Variants in CLIP4 observed in about 807,000 individuals in gnomAD.
CLIP4 encodes CAP-Gly domain-containing linker protein 4.
CLIP4 carries 47 observed loss-of-function variants against 73.1 expected under a neutral mutation model. That is an observed-to-expected ratio of 0.64 (90% CI 0.51 to 0.82). The LOEUF is 0.82. Among genes scored for constraint, CLIP4 ranks in the 40% least tolerant of loss-of-function variants. CLIP4 has a pLI of 0.00. For synonymous variants in CLIP4, 306 were observed against 295.4 expected (o/e 1.04, Z -0.37); for missense variants, 874 against 852.9 (o/e 1.02, Z -0.31).
intron 2 of CLIP4, chr2:29,130,749 T>C: frequency 7.9e-7 from 1 of 1,262,238 alleles, no homozygotes; most frequent in Non-Finnish European, 1.0e-6. Flanking sequence ...CATCTTTTAG[T>C]TATGCTGACT....
intron 14 of CLIP4, among the ~76,000 whole-genome samples, chr2:29,168,690 T>C (rs1380140058): frequency 6.6e-6 from 1 of 151,254 alleles, no homozygotes; most frequent in Non-Finnish European, 1.5e-5. Flanking sequence ...GCCCGGCTAA[T>C]TTTTTGTATT....
intron 2 of CLIP4, among the ~76,000 whole-genome samples, chr2:29,130,205 G>T (rs1664877463): frequency 6.6e-6 from 1 of 152,158 alleles, no homozygotes; most frequent in Non-Finnish European, 1.5e-5. Flanking sequence ...TGGCCTTGGG[G>T]CTTCACAGGG....
chr2:29,153,974 T>G (rs921345192), intron 9 of CLIP4, among the ~76,000 whole-genome samples: 1 of 152,242 alleles, frequency 6.6e-6, no homozygotes, highest in African/African-American at 2.4e-5. Flanking sequence ...TGAGGTTTTA[T>G]CTGATGTTTT....
intron 13 of CLIP4, among the ~76,000 whole-genome samples, chr2:29,164,702 A>G (rs1290009338): frequency 6.6e-6 from 1 of 152,154 alleles, no homozygotes; most frequent in Non-Finnish European, 1.5e-5. Context: ...TACGATCGCA[A>G]TCTGGGAGTC....
chr2:29,120,544 T>A (rs1281274158), intron 1 of CLIP4, among the ~76,000 whole-genome samples: 1 of 152,200 alleles, frequency 6.6e-6, no homozygotes, highest in Non-Finnish European at 1.5e-5. Flanking sequence ...TCATTTAGTT[T>A]TATAATGTTT....
chr2:29,161,085 C>T (rs766239059), intron 12 of CLIP4, among the ~76,000 whole-genome samples: 1 of 152,156 alleles, frequency 6.6e-6, no homozygotes, highest in East Asian at 1.9e-4. Flanking sequence ...AGCGGTTCTC[C>T]TGCCTCAGCC....
intron 2 of CLIP4, among the ~76,000 whole-genome samples, chr2:29,122,604 G>T (rs1169539939): frequency 2.6e-5 from 4 of 151,988 alleles, no homozygotes; most frequent in African/African-American, 9.7e-5. Flanking sequence ...TGAATGAAAG[G>T]TAATAATGGA....
intron 1 of CLIP4, among the ~76,000 whole-genome samples, chr2:29,117,382 C>CA (rs1663934791): frequency 6.7e-6 from 1 of 148,458 alleles, no homozygotes; most frequent in South Asian, 2.1e-4. Context: ...TCTGCTCTGT[C>CA]ACCCAGGCTG....
At chr2:29,160,303 T>TGCCCC in intron 11 of CLIP4, 30 bp from the exon 12 acceptor site, 3 of 1,613,890 alleles carry the variant, frequency 1.9e-6, no homozygotes, top group Non-Finnish European at 2.5e-6. Context: ...TTTCCTGCCC[T>TGCCCC]GCCCCTGTAT....
At chr2:29,103,139 A>G (rs752286745) in intron 1 of CLIP4, among the ~76,000 whole-genome samples, 17 of 152,158 alleles carry the variant, frequency 1.1e-4, no homozygotes, top group Non-Finnish European at 2.2e-4. Flanking sequence ...TTTAAGTTCT[A>G]CCTTCTCTAT....
intron 1 of CLIP4, among the ~76,000 whole-genome samples, chr2:29,107,187 T>G (rs1433824187): frequency 6.6e-6 from 1 of 152,144 alleles, no homozygotes; most frequent in Non-Finnish European, 1.5e-5. Context: ...ATTAAGCTTC[T>G]GATGGTTTAC....
intron 10 of CLIP4, 136 bp from the exon 11 acceptor site, chr2:29,157,068 A>G: frequency 1.4e-6 from 1 of 695,494 alleles, no homozygotes. Context: ...GGATGAAATT[A>G]GGCATTTAAT....
rs186335140 is a variant in CLIP4 at position 29,162,635 on chromosome 2, A to G, written c.1535-1196A>G. Among the ~76,000 whole-genome samples the G allele has an allele frequency of 2.6e-5, 4 of 152,360 alleles. No homozygotes were observed. In the East Asian group the frequency reaches 7.7e-4, roughly 29 times the overall value. The stretch of plus-strand genomic sequence containing the variant: ...TAGGAAAGCATAAAAGGCAGAAGCA[A>G]GTAAAACTTGGAAAATTGTAACTGT... On this transcript the variant is annotated intron_variant, in intron 12 of 15. Transcript: ENST00000320081.
At chr2:29,162,039 A>G (rs753741645) in intron 12 of CLIP4, among the ~76,000 whole-genome samples, 6 of 152,160 alleles carry the variant, frequency 3.9e-5, no homozygotes, top group Non-Finnish European at 5.9e-5. Flanking sequence ...ATTAGTTAGG[A>G]TATACTTAAT....
intron 1 of CLIP4, among the ~76,000 whole-genome samples, chr2:29,098,621 T>C (rs1230135422): frequency 1.3e-5 from 2 of 152,254 alleles, no homozygotes; most frequent in East Asian, 1.9e-4. Flanking sequence ...TACTGAGGAA[T>C]GTCTTGGTTG....
intron 12 of CLIP4, among the ~76,000 whole-genome samples, chr2:29,161,913 G>C (rs890205160): frequency 6.6e-6 from 1 of 152,178 alleles, no homozygotes; most frequent in East Asian, 1.9e-4. Flanking sequence ...ATAGGCGACT[G>C]TCTCCCAACA....
At chr2:29,107,240 C>G (rs1485508969) in intron 1 of CLIP4, among the ~76,000 whole-genome samples, 2 of 151,858 alleles carry the variant, frequency 1.3e-5, no homozygotes, top group Non-Finnish European at 2.9e-5. Context: ...AAACAACTGC[C>G]AGAAAGACAA....
At chr2:29,177,389 CAG>C (rs1351834307) in intron 15 of CLIP4, among the ~76,000 whole-genome samples, 1 of 133,458 alleles carries the variant, frequency 7.5e-6, no homozygotes, top group Non-Finnish European at 1.6e-5. Flanking sequence ...ATCCTGGCAA[CAG>C]AGTAAGACTC....
intron 13 of CLIP4, among the ~76,000 whole-genome samples, chr2:29,165,141 G>A (rs775249419): frequency 6.6e-6 from 1 of 152,170 alleles, no homozygotes; most frequent in Non-Finnish European, 1.5e-5. Flanking sequence ...AAAGAGATAA[G>A]TGATTTAGCT....
Sources: allele counts gnomAD v4.1 joint callset (sites outside exome capture counted in the v4.1 genomes callset), GRCh38; gene constraint gnomAD v4.1.1; transcripts MANE v1.5; gene names NCBI Gene and HGNC (gene_info 2026-07-23, HGNC 2026-07-21).